The following PARVB variants were observed in gnomAD, a reference collection of about 807,000 sequenced individuals.
PARVB encodes parvin beta.
PARVB carries 46 observed loss-of-function variants against 47.0 expected under a neutral mutation model. The ratio of observed to expected loss-of-function variants is 0.98; its 90% CI spans 0.77 to 1.25. PARVB has a LOEUF of 1.25. Ranked by LOEUF, PARVB falls within the 50% of genes most tolerant of loss-of-function variation. PARVB has a pLI of 0.00. For missense variants in PARVB, 473 were observed against 471.6 expected (o/e 1.00, Z -0.03); for synonymous variants, 196 against 196.3 (o/e 1.00, Z 0.01).
upstream of PARVB, among the ~76,000 whole-genome samples, chr22:44,023,658 AC>A (rs2050682373): frequency 6.6e-6 from 1 of 152,146 alleles, no homozygotes; most frequent in Non-Finnish European, 1.5e-5. Context: ...TGCTTCCAAC[AC>A]ATGCGAGGCC....
intron 2 of PARVB, among the ~76,000 whole-genome samples, chr22:44,004,574 G>A (rs2050445356): frequency 6.6e-6 from 1 of 152,124 alleles, no homozygotes; most frequent in African/African-American, 2.4e-5. Context: ...AAGTTTAGGT[G>A]GCAAGACATG....
chr22:44,083,361 A>G (rs1052363355), intron 1 of PARVB, among the ~76,000 whole-genome samples: 6 of 152,172 alleles, frequency 3.9e-5, no homozygotes, highest in African/African-American at 1.4e-4. Context: ...GGTTTTATGC[A>G]GGATGTGAGG....
chr22:44,117,136 G>T (rs939540045), intron 3 of PARVB, among the ~76,000 whole-genome samples: 2 of 152,058 alleles, frequency 1.3e-5, no homozygotes, highest in Non-Finnish European at 2.9e-5. Flanking sequence ...TCCCCACCCC[G>T]CCCCGTGGCA....
intron 2 of PARVB, among the ~76,000 whole-genome samples, chr22:44,005,823 A>G (rs558336258): frequency 6.6e-6 from 1 of 152,298 alleles, no homozygotes; most frequent in African/African-American, 2.4e-5. Flanking sequence ...AACCCCAGAC[A>G]ATTCTGTAAC....
intron 1 of PARVB, among the ~76,000 whole-genome samples, chr22:44,059,768 G>A (rs1186258714): frequency 1.3e-5 from 2 of 152,152 alleles, no homozygotes; most frequent in African/African-American, 2.4e-5. Flanking sequence ...GTCTCACTTG[G>A]CTTGTTTGAC....
At chr22:44,034,225 T>TTCTTTATATATATTTGAGATGGGTG (rs2050874625) in intron 1 of PARVB, among the ~76,000 whole-genome samples, 4 of 149,844 alleles carry the variant, frequency 2.7e-5, no homozygotes, top group African/African-American at 9.8e-5. Flanking sequence ...AGAATATATA[T>TTCTTTATATATATTTGAGATGGGTG]TCTTTATACA....
chr22:44,117,611 T>C (rs2052939048), intron 3 of PARVB, among the ~76,000 whole-genome samples: 1 of 152,256 alleles, frequency 6.6e-6, no homozygotes, highest in Admixed American at 6.5e-5. Flanking sequence ...AATTTATTTT[T>C]ACCTCTGTTC....
intron 1 of PARVB, among the ~76,000 whole-genome samples, chr22:44,043,998 T>C (rs2051068710): frequency 6.6e-6 from 1 of 152,128 alleles, no homozygotes; most frequent in African/African-American, 2.4e-5. Context: ...CAGATTGTCT[T>C]ATTAGGACTA....
chr22:44,079,600 C>G (rs2051853935), intron 1 of PARVB, among the ~76,000 whole-genome samples: 2 of 152,206 alleles, frequency 1.3e-5, no homozygotes, highest in African/African-American at 4.8e-5. Context: ...TTCTGAGAAG[C>G]CACCGGTGGA....
chr22:44,015,780 C>T (rs1202731949), intron 2 of PARVB, among the ~76,000 whole-genome samples: 1 of 152,220 alleles, frequency 6.6e-6, no homozygotes, highest in African/African-American at 2.4e-5. Context: ...GATTGTGCCA[C>T]TGCACTCTAG....
chr22:44,132,241 C>T (rs1433736781), intron 5 of PARVB, among the ~76,000 whole-genome samples: 1 of 152,180 alleles, frequency 6.6e-6, no homozygotes, highest in Non-Finnish European at 1.5e-5. Context: ...ACCCTGGAGC[C>T]TGGCCTTGCA....
chr22:44,095,204 AG>A (rs2052272992), intron 2 of PARVB, among the ~76,000 whole-genome samples: 1 of 152,234 alleles, frequency 6.6e-6, no homozygotes, highest in South Asian at 2.1e-4. Context: ...CGAGATGCCA[AG>A]CACCAGAAAA....
At chr22:44,007,398 A>T (rs987064651) in intron 2 of PARVB, among the ~76,000 whole-genome samples, 2 of 152,114 alleles carry the variant, frequency 1.3e-5, no homozygotes, top group Non-Finnish European at 2.9e-5. Flanking sequence ...ATTCATGTGA[A>T]TTTCCAGTCG....
In PARVB at chr22:44,094,789, C is replaced by T. The variant is rs752035950; in HGVS notation, c.202+772C>T. Among the ~76,000 whole-genome samples the T allele has an allele frequency of 2.9e-4, 44 of 151,816 alleles. 1 individual carries two copies. The highest frequency in any genetic ancestry group is 5.6e-4 in the Non-Finnish European group (38 of 67,872). ...TACAGATATGAGCCACTGCGCCTGG[C>T]CCCAACACCCTTACTGTGGCTTTCT... On this transcript the variant is annotated intron_variant, in intron 2 of 12. Transcript: ENST00000338758.
chr22:44,015,847 A>C (rs558061538), intron 2 of PARVB, among the ~76,000 whole-genome samples: 6 of 152,234 alleles, frequency 3.9e-5, no homozygotes, highest in Admixed American at 3.3e-4. Context: ...AAAAAAGATT[A>C]GGGTGCAGAC....
At chr22:44,024,297 G>T (rs1184411909), upstream of PARVB, 45 of 985,520 alleles carry the variant, frequency 4.6e-5, no homozygotes, top group Middle Eastern at 5.0e-4. Flanking sequence ...CGACCGGGCG[G>T]CTCCACACGC....
rs142442625 is a variant in PARVB, at chr22:44,121,557, T to TAA, written c.376+2417_376+2418insAA. ...TGCTTTTCTTCTCCTGTGTCCTTTT[T>TAA]TAAAAAAAAAAAATCCCCTAAAATA... On this transcript the variant is annotated intron_variant, in intron 4 of 12. Coordinates refer to ENST00000338758, the MANE Select transcript of PARVB (RefSeq NM_013327.5). Among the ~76,000 whole-genome samples the TAA allele has an allele frequency of 1.2e-3, 170 of 136,632 alleles. 1 individual carries two copies. Among genetic ancestry groups the TAA allele is most frequent in the Middle Eastern group, 0.011 (3 of 272 alleles). 89.6% of individuals were successfully genotyped at this position (136,632 alleles called of 152,430 possible).
At chr22:44,056,786 G>A (rs1263274244) in intron 1 of PARVB, among the ~76,000 whole-genome samples, 1 of 151,870 alleles carries the variant, frequency 6.6e-6, no homozygotes, top group Non-Finnish European at 1.5e-5. Flanking sequence ...GATTAAGTGT[G>A]AGCCACCTCA....
intron 1 of PARVB, among the ~76,000 whole-genome samples, chr22:44,081,371 C>A (rs1320273919): frequency 6.6e-6 from 1 of 152,230 alleles, no homozygotes; most frequent in African/African-American, 2.4e-5. Flanking sequence ...GAGACAGCCG[C>A]TAGAGGGCAC....
Sources: allele counts gnomAD v4.1 joint callset (sites outside exome capture counted in the v4.1 genomes callset), GRCh38; gene constraint gnomAD v4.1.1; transcripts MANE v1.5; gene names NCBI Gene and HGNC (gene_info 2026-07-23, HGNC 2026-07-21).